MCPH1: variants seen among roughly 807,000 people sequenced by gnomAD.
MCPH1 encodes the protein microcephalin.
Under a neutral mutation model 84.5 loss-of-function variants are expected in MCPH1, and 104 were observed. That is an observed-to-expected ratio of 1.23 (90% confidence interval 1.05 to 1.45). The LOEUF is 1.45. Among genes scored for constraint, MCPH1 ranks in the 40% most tolerant of loss-of-function variants. The pLI, the probability that MCPH1 is intolerant of heterozygous loss-of-function variation, is 0.00. For synonymous variants in MCPH1, 514 were observed against 366.8 expected (o/e 1.40, Z -4.58); for missense variants, 1,498 against 1,005.7 (o/e 1.49, Z -6.62).
chr8:6,509,104 T>C lies in MCPH1; in HGVS notation c.2214+9175T>C, dbSNP rs560273690. ...AAAAAAAACACATTGGCTAGGGTCA[T>C]TGATTTACCGTAGTGGCAAATTTTT... On this transcript the variant is annotated intron_variant, in intron 12 of 13. Coordinates refer to ENST00000344683, the MANE Select transcript of MCPH1 (RefSeq NM_024596.5). 3.1e-6 allele frequency: 5 copies of C among 1,596,094 alleles called. No individual in the cohort carries two copies. The South Asian group carries it at 3.4e-5, about 11-fold the overall frequency.
rs1321637459 is a variant in MCPH1, at chr8:6,631,653, A to G, written c.2452+9962A>G. 2.7e-5 allele frequency among the ~76,000 whole-genome samples: 4 copies of G among 146,584 alleles called. No homozygotes were observed. The South Asian group carries it at 6.7e-4, about 25-fold the overall frequency. On this transcript the variant is annotated intron_variant, in intron 13 of 13. Transcript: ENST00000344683. ...CCTCACACCCATTATGATTGCTACTATAAAAAAAAAAAAAACCCAGAAAAT... is the reference window on the plus strand; with the variant it reads ...CCTCACACCCATTATGATTGCTACTGTAAAAAAAAAAAAAACCCAGAAAAT...
At position 6,643,264 on chromosome 8, in the gene MCPH1, A is replaced by T; in HGVS notation, c.*215A>T. The T allele has an allele frequency of 3.4e-6, 2 of 590,172 alleles. No homozygotes were observed. The highest frequency in any genetic ancestry group is 6.0e-6 in the Non-Finnish European group (2 of 334,816). The allele number at this position is 590,172 out of a possible 1,614,324, so 36.6% of individuals were successfully genotyped here. ...AGACGCTTCGGGCCTTTTTATTTTT[A>T]TTTTATTTTTTATTTTTTGAGACGG... On this transcript the variant is annotated 3_prime_UTR_variant, in exon 14 of 14. Coordinates refer to ENST00000344683, the MANE Select transcript of MCPH1 (RefSeq NM_024596.5).
intron 11 of MCPH1, among the ~76,000 whole-genome samples, chr8:6,486,289 T>A (rs1356883498): frequency 6.8e-6 from 1 of 146,946 alleles, no homozygotes. Context: ...TCTCTCTCTC[T>A]CTCTCTGGCA....
In MCPH1 at chr8:6,480,709, G is replaced by T. The variant is rs1325586222; in HGVS notation, c.1974-5G>T. 5 of 1,614,002 alleles carry T rather than the reference G, an allele frequency of 3.1e-6. No homozygotes were observed. The highest frequency in any genetic ancestry group is 2.5e-6 in the Non-Finnish European group (3 of 1,180,018). On this transcript the variant is annotated splice_region_variant and splice_polypyrimidine_tract_variant and intron_variant, in intron 10 of 13. Coordinates refer to ENST00000344683, the MANE Select transcript of MCPH1 (RefSeq NM_024596.5). ...ATTTTGTTAATTTTTCCCCCGATTTGACAGAAAGCAGAATGTCGTCATCCA... is the reference window on the plus strand; with the variant it reads ...ATTTTGTTAATTTTTCCCCCGATTTTACAGAAAGCAGAATGTCGTCATCCA...
intron 12 of MCPH1, among the ~76,000 whole-genome samples, chr8:6,568,966 G>T (rs2012157): frequency 0.99 from 151,470 of 152,322 alleles, 75,317 homozygotes; most frequent in Middle Eastern, 1. Flanking sequence ...GTTTTGATTT[G>T]AGCCATTTGC....
intron 12 of MCPH1, chr8:6,616,431 G>T (rs1397965411): frequency 6.6e-6 from 1 of 152,264 alleles, no homozygotes; most frequent in African/African-American, 2.4e-5. Flanking sequence ...TTTGTCAACA[G>T]TACAGTCTGC....
intron 12 of MCPH1, among the ~76,000 whole-genome samples, chr8:6,545,052 G>C (rs1010633652): frequency 6.6e-6 from 1 of 152,098 alleles, no homozygotes; most frequent in Admixed American, 6.6e-5. Flanking sequence ...TGCCATCACA[G>C]ACATCATGTT....
chr8:6,476,872 TACAC>T (rs933010929), intron 9 of MCPH1, among the ~76,000 whole-genome samples: 7 of 152,184 alleles, frequency 4.6e-5, no homozygotes, highest in African/African-American at 1.4e-4. Context: ...TGCATACACA[TACAC>T]ACACACTCCT....
intron 13 of MCPH1, among the ~76,000 whole-genome samples, chr8:6,637,729 C>T (rs955832673): frequency 5.9e-5 from 9 of 152,062 alleles, no homozygotes; most frequent in African/African-American, 9.7e-5. Flanking sequence ...CTGGGCTCAA[C>T]GGATCCTCCT....
intron 12 of MCPH1, among the ~76,000 whole-genome samples, chr8:6,612,531 C>G (rs567960199): frequency 1.3e-5 from 2 of 152,190 alleles, no homozygotes; most frequent in African/African-American, 4.8e-5. Flanking sequence ...GTGCCTGCCC[C>G]GCTCAGTGCA....
chr8:6,479,909 A>G (rs1684185694), intron 10 of MCPH1, among the ~76,000 whole-genome samples: 2 of 152,154 alleles, frequency 1.3e-5, no homozygotes, highest in Admixed American at 1.3e-4. Flanking sequence ...ATTTGATTTG[A>G]TGATTTAATA....
At chr8:6,594,422 G>C (rs1399143350) in intron 12 of MCPH1, among the ~76,000 whole-genome samples, 1 of 152,182 alleles carries the variant, frequency 6.6e-6, no homozygotes, top group Non-Finnish European at 1.5e-5. Context: ...CTCCCTTGGA[G>C]CATGCTAATC....
intron 9 of MCPH1, among the ~76,000 whole-genome samples, chr8:6,472,802 G>T (rs947742790): frequency 6.6e-6 from 1 of 152,126 alleles, no homozygotes. Context: ...TATCATTTAG[G>T]ATTTGATTTG....
At chr8:6,461,050 A>C (rs571101918) in intron 9 of MCPH1, among the ~76,000 whole-genome samples, 117 of 152,312 alleles carry the variant, frequency 7.7e-4, no homozygotes, top group African/African-American at 2.8e-3. Context: ...TAAGAGGCCA[A>C]CTCAAGAGAA....
chr8:6,555,342 T>A lies in MCPH1; in HGVS notation c.2214+55413T>A, dbSNP rs192239802. 2.0e-5 allele frequency among the ~76,000 whole-genome samples: 3 copies of A among 152,302 alleles called. No homozygotes were observed. In the East Asian group the frequency reaches 5.8e-4, roughly 29 times the overall value. On this transcript the variant is annotated intron_variant, in intron 12 of 13. Coordinates refer to ENST00000344683, the MANE Select transcript of MCPH1 (RefSeq NM_024596.5). ...GCCTTTCAAGTGGTGTCCTGTGAAA[T>A]CCAGCGTTTCCCCCTGTCAACTTCC...
At chr8:6,479,586 G>A (rs183453567) in intron 10 of MCPH1, among the ~76,000 whole-genome samples, 7 of 151,760 alleles carry the variant, frequency 4.6e-5, no homozygotes, top group African/African-American at 1.2e-4. Flanking sequence ...AGGCACCCGC[G>A]ACCACGCCCG....
intron 11 of MCPH1, among the ~76,000 whole-genome samples, chr8:6,496,821 T>C (rs1012842140): frequency 9.2e-5 from 14 of 152,206 alleles, no homozygotes; most frequent in African/African-American, 3.4e-4. Context: ...GGAGTCATTA[T>C]TAAATGGGGT....
chr8:6,551,934 A>G (rs1823720328), intron 12 of MCPH1, among the ~76,000 whole-genome samples: 1 of 152,198 alleles, frequency 6.6e-6, no homozygotes, highest in Non-Finnish European at 1.5e-5. Flanking sequence ...TGAGATTCCA[A>G]AGACTACGCA....
rs1257761694 is a variant in MCPH1, at chr8:6,466,127, GGATT to G, written c.1935+10876_1935+10879del. The stretch of plus-strand genomic sequence containing the variant: ...GTGCCACTACACCTGGCTAATTTTT[GGATT>G]TTTTTTTTTTTTTTTTTTTTTCCTG... On this transcript the variant is annotated intron_variant, in intron 9 of 13. Coordinates refer to ENST00000344683, the MANE Select transcript of MCPH1 (RefSeq NM_024596.5). Among the ~76,000 whole-genome samples, 11 of 125,180 alleles carry G rather than the reference GGATT, an allele frequency of 8.8e-5. 2 individuals are homozygous for G. The highest frequency in any genetic ancestry group is 1.4e-4 in the Non-Finnish European group (9 of 62,282). The allele number at this position is 125,180 out of a possible 152,430, so 82.1% of individuals were successfully genotyped here.
Sources: allele counts gnomAD v4.1 joint callset (sites outside exome capture counted in the v4.1 genomes callset), GRCh38; gene constraint gnomAD v4.1.1; transcripts MANE v1.5; gene names NCBI Gene and HGNC (gene_info 2026-07-23, HGNC 2026-07-21).